The following PTH1R variants were observed in gnomAD, a reference collection of about 807,000 sequenced individuals.
PTH1R encodes parathyroid hormone/parathyroid hormone-related peptide receptor.
Under a neutral mutation model 70.7 loss-of-function variants are expected in PTH1R, and 32 were observed. That is an observed-to-expected ratio of 0.45 (90% CI 0.34 to 0.61). The LOEUF (loss-of-function observed/expected upper bound fraction) is 0.61, where lower values mean the gene tolerates loss of function less well. PTH1R is among the 20% of genes least tolerant of loss of function. The pLI is 0.01. For missense variants in PTH1R, 626 were observed against 792.5 expected (o/e 0.79, Z 2.52); for synonymous variants, 329 against 324.8 (o/e 1.01, Z -0.14).
chr3:46,879,695 C>A lies in PTH1R; in HGVS notation c.-105-1367C>A, dbSNP rs1028432174. Reference sequence around the variant, plus strand: ...CCAGGAGGTCAAGGCTGCTGTGAGCCATGACCGTGCCACTGCACTCCAGCC... The same window carrying A: ...CCAGGAGGTCAAGGCTGCTGTGAGCAATGACCGTGCCACTGCACTCCAGCC... On this transcript the variant is annotated intron_variant, in intron 1 of 15. Coordinates refer to ENST00000449590, the MANE Select transcript of PTH1R (RefSeq NM_000316.3). This position sits in a 1 kb window ranked among gnomAD's most constrained non-coding sequence, Gnocchi z 4.7. Among the ~76,000 whole-genome samples, 1 of 152,130 alleles carries A rather than the reference C, an allele frequency of 6.6e-6. No individual in the cohort carries two copies. The highest frequency in any genetic ancestry group is 2.4e-5 in the African/African-American group (1 of 41,410).
At chr3:46,890,496 C>CTTTTT (rs71619664) in intron 3 of PTH1R, among the ~76,000 whole-genome samples, 95 of 72,322 alleles carry the variant, frequency 1.3e-3, no homozygotes, top group South Asian at 1.8e-3. Context: ...TTCACAGCAG[C>CTTTTT]TTTTTTTTTT....
chr3:46,895,915 A>C (rs1468906135), intron 5 of PTH1R, 46 bp downstream of exon 5: 2 of 1,597,546 alleles, frequency 1.3e-6, no homozygotes, highest in African/African-American at 2.7e-5. Context: ...GCTTGGATCC[A>C]CCCACCCCCA....
rs566498483 is a variant in PTH1R at position 46,880,895 on chromosome 3, C to A, written c.-105-167C>A. On this transcript the variant is annotated intron_variant, in intron 1 of 15. Coordinates refer to ENST00000449590, the MANE Select transcript of PTH1R (RefSeq NM_000316.3). ...TTAGGACTTGGGCTTGACAGATTTGCACTGAGGGTTGGAGGGCAGGTTTGC... is the reference window on the plus strand; with the variant it reads ...TTAGGACTTGGGCTTGACAGATTTGAACTGAGGGTTGGAGGGCAGGTTTGC... Among the ~76,000 whole-genome samples the A allele has an allele frequency of 4.6e-5, 7 of 152,286 alleles. No individual in the cohort carries two copies. In the South Asian group the frequency reaches 1.5e-3, roughly 32 times the overall value.
At chr3:46,900,888 C>A in intron 10 of PTH1R, 137 bp from the exon 11 acceptor site, 1 of 966,668 alleles carries the variant, frequency 1.0e-6, no homozygotes. Context: ...GTGGCTCTGT[C>A]ACCAAGTGGA....
At chr3:46,897,727 G>C in intron 5 of PTH1R, 128 bp from the exon 6 acceptor site, 1 of 888,938 alleles carries the variant, frequency 1.1e-6, no homozygotes, top group Non-Finnish European at 1.8e-6. Context: ...GCGAAACTCC[G>C]TCTCAAAAAA....
intron 2 of PTH1R, among the ~76,000 whole-genome samples, chr3:46,881,777 G>A (rs867654297): frequency 2.6e-5 from 4 of 152,032 alleles, no homozygotes; most frequent in Non-Finnish European, 4.4e-5. Flanking sequence ...GCTGGCAGCC[G>A]AGCGGCCTCC....
chr3:46,890,054 AGGAGGG>A (rs1055717129), intron 3 of PTH1R, among the ~76,000 whole-genome samples: 1 of 152,180 alleles, frequency 6.6e-6, no homozygotes, highest in Non-Finnish European at 1.5e-5. Flanking sequence ...GCAGAGGCAG[AGGAGGG>A]GGTCCTTTTT....
chr3:46,903,350 C>T lies in PTH1R; in HGVS notation c.1476C>T (p.Ser492=), dbSNP rs1401067631. 1 of 1,613,630 alleles carries T rather than the reference C, an allele frequency of 6.2e-7. No individual in the cohort carries two copies. The highest frequency in any genetic ancestry group is 8.5e-7 in the Non-Finnish European group (1 of 1,180,040). The change falls in exon 16 of 16, where the codon AGC becomes AGT. Residue 492 remains serine, a synonymous_variant. Coordinates refer to ENST00000449590, the MANE Select transcript of PTH1R (RefSeq NM_000316.3). The surrounding 1 kb of genome is among the most constrained non-coding windows in gnomAD (Gnocchi z 4.4). ...AGCGAAAGGCACGCAGCGGGAGCAG[C>T]AGCTATAGCTACGGCCCCATGGTGT... ...DFKRKARSGS[S]SYSYGPMVSH...
At chr3:46,890,464 T>C (rs1031840817) in intron 3 of PTH1R, among the ~76,000 whole-genome samples, 4 of 151,610 alleles carry the variant, frequency 2.6e-5, no homozygotes, top group Non-Finnish European at 4.4e-5. Flanking sequence ...CACAGGCTTG[T>C]TGTGAAGTAC....
In PTH1R at chr3:46,901,822, G is replaced by A. The variant is rs758364811; in HGVS notation, c.1173G>A (p.Glu391=). ...GGGTGCTCGCCACCAAGCTGCGGGAGACCAACGCCGGCCGGTGTGACACAC... is the reference window on the plus strand; with the variant it reads ...GGGTGCTCGCCACCAAGCTGCGGGAAACCAACGCCGGCCGGTGTGACACAC... ...IVRVLATKLR[E]TNAGRCDTRQ... is the part of the protein sequence containing the mutation. The change falls in exon 13 of 16, where the codon GAG becomes GAA. Residue 391 remains glutamate, a synonymous_variant. Transcript: ENST00000449590. This position sits in a 1 kb window ranked among gnomAD's most constrained non-coding sequence, Gnocchi z 7.3. 6.2e-7 allele frequency: 1 copy of A among 1,614,044 alleles called. No individual in the cohort carries two copies. Among genetic ancestry groups the A allele is most frequent in the Non-Finnish European group, 8.5e-7 (1 of 1,179,996 alleles).
At position 46,898,811 on chromosome 3, in the gene PTH1R, C is replaced by T; in HGVS notation, c.788C>T (p.Ala263Val). The T allele has an allele frequency of 1.3e-6, 2 of 1,582,754 alleles. No individual in the cohort carries two copies. The highest frequency in any genetic ancestry group is 1.7e-6 in the Non-Finnish European group (2 of 1,170,148). The change falls in exon 9 of 16, where the codon GCC (alanine) becomes GTC (valine). Residue 263 changes from alanine (A) to valine (V), a missense_variant. Ala to Val is a moderately conservative substitution (Grantham distance 64). Transcript: ENST00000449590. ...AERLTEEELR[A>V]IAQAPPPPAT... ...CGCCTCACCGAGGAGGAGCTGCGCG[C>T]CATCGCCCAGGCGCCCCCGCCGCCT...
Position 46,902,788 on chromosome 3 carries a change from G to T in PTH1R, c.1393G>T (p.Glu465Ter). 1 of 1,613,752 alleles carries T rather than the reference G, an allele frequency of 6.2e-7. No homozygotes were observed. The highest frequency in any genetic ancestry group is 1.1e-5 in the South Asian group (1 of 91,076). ...VAIIYCFCNG[E>*]VQAEIKKSWS... ...AATCATATACTGTTTCTGCAATGGC[G>T]AGGTAAGCAGGAGACAGTGTTGGCA... The change falls in exon 15 of 16, where the codon GAG becomes TAG. Residue 465 changes from glutamate (E) to a stop codon, truncating the protein, a stop_gained and splice_region_variant. Coordinates refer to ENST00000449590, the MANE Select transcript of PTH1R (RefSeq NM_000316.3). LOFTEE classifies it high-confidence loss of function. This position sits in a 1 kb window ranked among gnomAD's most constrained non-coding sequence, Gnocchi z 5.4.
intron 4 of PTH1R, among the ~76,000 whole-genome samples, chr3:46,894,674 T>C (rs1320263161): frequency 6.6e-6 from 1 of 152,000 alleles, no homozygotes; most frequent in Non-Finnish European, 1.5e-5. Context: ...ATCCCCACAC[T>C]GAGGCCCGAG....
At position 46,898,195 on chromosome 3, in the gene PTH1R, G is replaced by T; in HGVS notation, c.543+3G>T. 6.2e-7 allele frequency: 1 copy of T among 1,613,940 alleles called. No homozygotes were observed. The highest frequency in any genetic ancestry group is 8.5e-7 in the Non-Finnish European group (1 of 1,179,832). ...TCACCAATGAGACTCGTGAACGGGTGCGAGCCTTTCTCCTCCCCAACCTGA... is the reference window on the plus strand; with the variant it reads ...TCACCAATGAGACTCGTGAACGGGTTCGAGCCTTTCTCCTCCCCAACCTGA... On this transcript the variant is annotated splice_donor_region_variant and intron_variant, in intron 7 of 15. Transcript: ENST00000449590.
chr3:46,895,634 AC>A, intron 4 of PTH1R, 100 bp from the exon 5 acceptor site: 11 of 1,579,186 alleles, frequency 7.0e-6, no homozygotes, highest in East Asian at 6.7e-5. Flanking sequence ...GCAGGAGACA[AC>A]CCCCCCATTG....
chr3:46,883,622 C>A lies in PTH1R; in HGVS notation c.63C>A (p.Ser21=), dbSNP rs1366923854. ...ALLLCCPVLS[S]AYALVDADDV... ...TGCTCTGCTGCCCCGTGCTCAGCTCCGCGTACGCGCTGGTGAGTCCCCCGC... is the reference window on the plus strand; with the variant it reads ...TGCTCTGCTGCCCCGTGCTCAGCTCAGCGTACGCGCTGGTGAGTCCCCCGC... Residue 21 remains serine (S), a synonymous_variant, in exon 3 of 16, where the codon TCC becomes TCA. Transcript: ENST00000449590. The surrounding 1 kb of genome is among the most constrained non-coding windows in gnomAD (Gnocchi z 6.4). 1.3e-6 allele frequency: 2 copies of A among 1,545,026 alleles called. No homozygotes were observed. The highest frequency in any genetic ancestry group is 2.4e-5 in the East Asian group (1 of 40,906).
In PTH1R at chr3:46,903,406, G is replaced by C. The variant is rs201315349; in HGVS notation, c.1532G>C (p.Arg511Pro). 12 of 1,613,186 alleles carry C rather than the reference G, an allele frequency of 7.4e-6. No homozygotes were observed. The highest frequency in any genetic ancestry group is 6.7e-5 in the Admixed American group (4 of 60,004). ...SHTSVTNVGP[R>P]VGLGLPLSPR... ...ACAAGTGTGACCAATGTCGGCCCCC[G>C]TGTGGGACTCGGCCTGCCCCTCAGC... is the stretch of plus-strand genomic sequence containing the variant. The change falls in exon 16 of 16, where the codon CGT becomes CCT. Residue 511 changes from arginine (R) to proline (P), a missense_variant. Coordinates refer to ENST00000449590, the MANE Select transcript of PTH1R (RefSeq NM_000316.3). The surrounding 1 kb of genome is among the most constrained non-coding windows in gnomAD (Gnocchi z 4.4).
rs1282030705 is a variant in PTH1R at position 46,882,344 on chromosome 3, G to C, written c.-48-1168G>C. 2 of 152,042 alleles carry C rather than the reference G, an allele frequency of 1.3e-5. No homozygotes were observed. Among genetic ancestry groups the C allele is most frequent in the African/African-American group, 4.8e-5 (2 of 41,402 alleles). 9.4% of individuals were successfully genotyped at this position (152,042 alleles called of 1,614,324 possible). A position where few individuals can be genotyped will look rare whatever the true frequency, so the allele number is the denominator to read the frequency against. The stretch of plus-strand genomic sequence containing the variant: ...CGCTGGAGGCCAGGCCGGCCAGCGG[G>C]GGGTATCCCGAGAGCTCCATGAAGT... On this transcript the variant is annotated intron_variant, in intron 2 of 15. Transcript: ENST00000449590. This position sits in a 1 kb window ranked among gnomAD's most constrained non-coding sequence, Gnocchi z 4.3.
chr3:46,892,893 G>C lies in PTH1R; in HGVS notation c.76-1014G>C, dbSNP rs2031517597. The C allele has an allele frequency of 1.2e-6, 1 of 834,400 alleles. No individual in the cohort carries two copies. The highest frequency in any genetic ancestry group is 6.2e-5 in the Admixed American group (1 of 16,066). The allele number at this position is 834,400 out of a possible 1,614,324, so 51.7% of individuals were successfully genotyped here. A position where few individuals can be genotyped will look rare whatever the true frequency, so the allele number is the denominator to read the frequency against. Reference sequence around the variant, plus strand: ...GGAAACACGACCCTGAATTAAGAGGGATGGGGCTGAGGGCTTCACAGCCCC... The same window carrying C: ...GGAAACACGACCCTGAATTAAGAGGCATGGGGCTGAGGGCTTCACAGCCCC... On this transcript the variant is annotated intron_variant, in intron 3 of 15. Coordinates refer to ENST00000449590, the MANE Select transcript of PTH1R (RefSeq NM_000316.3). The surrounding 1 kb of genome is among the most constrained non-coding windows in gnomAD (Gnocchi z 5.2).
Sources: gnomAD v4.1 joint callset for allele counts (sites outside exome capture counted in the v4.1 genomes callset) on GRCh38, gnomAD v4.1.1 for gene constraint, Gnocchi (gnomAD v3.1) non-coding constraint, MANE v1.5 for transcripts, NCBI Gene and HGNC (gene_info 2026-07-23, HGNC 2026-07-21) for gene names.